FHIT: variants seen among roughly 807,000 people sequenced by gnomAD.
The protein encoded by FHIT is fragile histidine triad diadenosine triphosphatase, also known as bis(5'-adenosyl)-triphosphatase.
In FHIT, 19 loss-of-function variants were observed where a neutral mutation model predicts 17.9. The observed-to-expected ratio is 1.06, with a 90% CI of 0.74 to 1.56. The LOEUF is 1.56. Ranked by LOEUF, FHIT falls within the 40% of genes most tolerant of loss-of-function variation. FHIT has a pLI of 0.00. For missense variants in FHIT, 248 were observed against 189.2 expected (o/e 1.31, Z -1.82); for synonymous variants, 81 against 69.7 (o/e 1.16, Z -0.81).
At chr3:60,005,816 A>G (rs1186747791) in intron 7 of FHIT, among the ~76,000 whole-genome samples, 1 of 152,120 alleles carries the variant, frequency 6.6e-6, no homozygotes, top group African/African-American at 2.4e-5. Context: ...TGAAAATAAT[A>G]AGTAACGGTA....
chr3:60,814,537 C>T (rs1054984709), intron 4 of FHIT, among the ~76,000 whole-genome samples: 36 of 152,122 alleles, frequency 2.4e-4, no homozygotes, highest in African/African-American at 8.2e-4. Flanking sequence ...GGACATGATT[C>T]GATTCTTTTT....
chr3:60,265,706 A>G (rs1415220414), intron 5 of FHIT, among the ~76,000 whole-genome samples: 1 of 152,022 alleles, frequency 6.6e-6, no homozygotes, highest in Non-Finnish European at 1.5e-5. Context: ...TCTAGAATAT[A>G]TAAAGAACTT....
chr3:60,369,732 C>T lies in FHIT; in HGVS notation c.103+167128G>A, dbSNP rs1353434246. On this transcript the variant is annotated intron_variant, in intron 5 of 9. Coordinates refer to ENST00000492590, the MANE Select transcript of FHIT (RefSeq NM_002012.4). The stretch of plus-strand genomic sequence containing the variant: ...GCAAGACCTTCTACACTGGCTGCGA[C>T]AGGACTCCAATATCTCTCAGCATTG... Among the ~76,000 whole-genome samples the T allele has an allele frequency of 2.6e-5, 4 of 152,154 alleles. No homozygotes were observed. The South Asian group carries it at 6.2e-4, about 24-fold the overall frequency.
At chr3:60,194,578 GAATA>G (rs1400740707) in intron 5 of FHIT, among the ~76,000 whole-genome samples, 2 of 151,926 alleles carry the variant, frequency 1.3e-5, no homozygotes, top group African/African-American at 2.4e-5. Context: ...AAACAAAAAT[GAATA>G]AATGATACCT....
chr3:60,119,026 C>T (rs1370083268), intron 5 of FHIT, among the ~76,000 whole-genome samples: 1 of 134,466 alleles, frequency 7.4e-6, no homozygotes, highest in African/African-American at 2.6e-5. Context: ...ATCTCAAAAA[C>T]AAAAACAAAA....
chr3:60,568,237 C>T (rs2734364), intron 4 of FHIT, among the ~76,000 whole-genome samples: 1 of 152,156 alleles, frequency 6.6e-6, no homozygotes, highest in African/African-American at 2.4e-5. Flanking sequence ...ACTGGATTAA[C>T]AAAATGTGGC....
Position 60,850,640 on chromosome 3 carries a change from G to T in FHIT, c.-110-28629C>A, listed in dbSNP as rs368011855. On this transcript the variant is annotated intron_variant, in intron 3 of 9. Transcript: ENST00000492590. ...TCACCACTTGTTTATCCAGAGCCAG[G>T]TGCCTGTCCAAAGTAGATGCACACC... Among the ~76,000 whole-genome samples, 8 of 152,012 alleles carry T rather than the reference G, an allele frequency of 5.3e-5. No individual in the cohort carries two copies. In the East Asian group the frequency reaches 1.3e-3, roughly 26 times the overall value.
chr3:59,903,789 A>G (rs1208055262), intron 8 of FHIT, among the ~76,000 whole-genome samples: 1 of 152,210 alleles, frequency 6.6e-6, no homozygotes, highest in Admixed American at 6.5e-5. Flanking sequence ...TAAGGAGGCA[A>G]TTCGATTAAG....
chr3:60,294,348 G>A (rs1308341698), intron 5 of FHIT, among the ~76,000 whole-genome samples: 1 of 152,112 alleles, frequency 6.6e-6, no homozygotes, highest in African/African-American at 2.4e-5. Flanking sequence ...ACAGCTGGAA[G>A]GGACCTCAGA....
chr3:60,510,127 A>G (rs2034892548), intron 5 of FHIT, among the ~76,000 whole-genome samples: 1 of 152,194 alleles, frequency 6.6e-6, no homozygotes, highest in Admixed American at 6.5e-5. Flanking sequence ...AATTCATAAA[A>G]CAAAGGTCAG....
intron 7 of FHIT, among the ~76,000 whole-genome samples, chr3:59,945,257 C>T: frequency 6.6e-6 from 1 of 152,156 alleles, no homozygotes; most frequent in Non-Finnish European, 1.5e-5. Context: ...TTTTGATTTG[C>T]ATTTCTCTAA....
chr3:60,851,968 C>T (rs1236800197), intron 3 of FHIT, among the ~76,000 whole-genome samples: 1 of 152,144 alleles, frequency 6.6e-6, no homozygotes, highest in Non-Finnish European at 1.5e-5. Context: ...ATCAACTTGA[C>T]TGGGCCATGA....
chr3:60,332,717 C>A (rs906741053), intron 5 of FHIT, among the ~76,000 whole-genome samples: 2 of 152,110 alleles, frequency 1.3e-5, no homozygotes, highest in African/African-American at 4.8e-5. Flanking sequence ...TTTATATAAC[C>A]AGCTTCTACT....
Position 60,571,702 on chromosome 3 carries a change from A to G in FHIT, c.-17-34723T>C, listed in dbSNP as rs1478252172. Among the ~76,000 whole-genome samples, 4 of 152,178 alleles carry G rather than the reference A, an allele frequency of 2.6e-5. No individual in the cohort carries two copies. The East Asian group carries it at 5.8e-4, about 22-fold the overall frequency. On this transcript the variant is annotated intron_variant, in intron 4 of 9. Transcript: ENST00000492590. ...TGGATTCAAAAGAAATACAATTATC[A>G]TTACAATAGAGCTACATGGTTACAC...
At chr3:61,209,291 T>C (rs1171611222) in intron 1 of FHIT, among the ~76,000 whole-genome samples, 7 of 152,194 alleles carry the variant, frequency 4.6e-5, no homozygotes, top group Non-Finnish European at 8.8e-5. Context: ...GACAATGAAG[T>C]GTCTTGGAGT....
chr3:60,665,849 T>G (rs2040370545), intron 4 of FHIT, among the ~76,000 whole-genome samples: 1 of 152,134 alleles, frequency 6.6e-6, no homozygotes, highest in South Asian at 2.1e-4. Flanking sequence ...TTCTCATTCC[T>G]CTGTTTCTCT....
chr3:60,905,313 G>T (rs1246745740), intron 3 of FHIT, among the ~76,000 whole-genome samples: 1 of 152,202 alleles, frequency 6.6e-6, no homozygotes, highest in Non-Finnish European at 1.5e-5. Context: ...AGCAAACAGA[G>T]TGTAGAGCAA....
intron 2 of FHIT, among the ~76,000 whole-genome samples, chr3:61,150,848 T>C (rs1420496203): frequency 2.0e-5 from 3 of 152,160 alleles, no homozygotes; most frequent in Non-Finnish European, 4.4e-5. Flanking sequence ...ATCTGTCAAA[T>C]GCAAATACGT....
Position 60,307,602 on chromosome 3 carries a change from T to C in FHIT, c.103+229258A>G, listed in dbSNP as rs60075183. Reference sequence around the variant, plus strand: ...ATCATGGATCTGTATATCCTTGATGTCTCACAGGTCATAAAACAGCAAGGG... The same window carrying C: ...ATCATGGATCTGTATATCCTTGATGCCTCACAGGTCATAAAACAGCAAGGG... On this transcript the variant is annotated intron_variant, in intron 5 of 9. Transcript: ENST00000492590. 4.5e-3 allele frequency among the ~76,000 whole-genome samples: 687 copies of C among 152,338 alleles called. 3 individuals are homozygous for C. The highest frequency in any genetic ancestry group is 0.016 in the African/African-American group (650 of 41,576).
Sources: gnomAD v4.1 joint callset for allele counts (sites outside exome capture counted in the v4.1 genomes callset) on GRCh38, gnomAD v4.1.1 for gene constraint, MANE v1.5 for transcripts, NCBI Gene and HGNC (gene_info 2026-07-23, HGNC 2026-07-21) for gene names.